The following BBS9 variants were observed in gnomAD, a reference collection of about 807,000 sequenced individuals.
BBS9 encodes the protein Bardet-Biedl syndrome 9, also known as protein PTHB1.
BBS9 carries 89 observed loss-of-function variants against 117.7 expected under a neutral mutation model. The ratio of observed to expected loss-of-function variants is 0.76; its 90% CI spans 0.64 to 0.90. BBS9 has a LOEUF of 0.90. Ranked by LOEUF, BBS9 falls within the 40% of genes least tolerant of loss-of-function variation. The pLI is 0.00. For synonymous variants in BBS9, 379 were observed against 370.9 expected, an observed-to-expected ratio of 1.02 and a Z score of -0.25; for missense variants, 982 against 1,042.2, an observed-to-expected ratio of 0.94 and a Z score of 0.80.
At chr7:33,334,481 G>A (rs956958035) in intron 9 of BBS9, among the ~76,000 whole-genome samples, 9 of 152,040 alleles carry the variant, frequency 5.9e-5, no homozygotes, top group Non-Finnish European at 8.8e-5. Flanking sequence ...GCTAGAATGC[G>A]GAACAGACTA....
intron 1 of BBS9, among the ~76,000 whole-genome samples, chr7:33,141,910 AG>A (rs2128082085): frequency 6.6e-6 from 1 of 151,958 alleles, no homozygotes; most frequent in East Asian, 1.9e-4. Flanking sequence ...AGTCTATCCA[AG>A]TTGCAAGTGT....
chr7:33,335,145 C>A (rs1186072186), intron 9 of BBS9, among the ~76,000 whole-genome samples: 3 of 152,194 alleles, frequency 2.0e-5, no homozygotes, highest in African/African-American at 7.2e-5. Flanking sequence ...TAGACTCTTA[C>A]ATGCCTTATC....
chr7:33,249,280 A>G (rs1795863616), intron 5 of BBS9, among the ~76,000 whole-genome samples: 1 of 151,888 alleles, frequency 6.6e-6, no homozygotes, highest in Non-Finnish European at 1.5e-5. Flanking sequence ...TCATGAATAG[A>G]TTGTAATTTT....
rs773708396 is a variant in BBS9 at position 33,527,747 on chromosome 7, T to C, written c.2299-6207T>C. 3.7e-4 allele frequency among the ~76,000 whole-genome samples: 57 copies of C among 152,334 alleles called. 1 individual carries two copies. The highest frequency in any genetic ancestry group is 2.1e-4 in the South Asian group (1 of 4,822). ...CTGGGAGCTGTAGACCGGAGCTGTT[T>C]CTATTTGGCCATCTTGGCTCCTCCT... is the stretch of plus-strand genomic sequence containing the variant. On this transcript the variant is annotated intron_variant, in intron 20 of 22. Coordinates refer to ENST00000242067, the MANE Select transcript of BBS9 (RefSeq NM_198428.3).
At chr7:33,411,359 A>C (rs1055677930) in intron 19 of BBS9, among the ~76,000 whole-genome samples, 13 of 152,116 alleles carry the variant, frequency 8.5e-5, no homozygotes, top group Admixed American at 8.5e-4. Context: ...ATTTCTTGAC[A>C]AGGTTTCAAC....
intron 19 of BBS9, among the ~76,000 whole-genome samples, chr7:33,460,438 GA>G (rs1839298286): frequency 6.6e-6 from 1 of 151,804 alleles, no homozygotes; most frequent in African/African-American, 2.4e-5. Flanking sequence ...AGGTACAAGG[GA>G]AAATAATTTT....
At chr7:33,188,130 A>AGGGGGGGGGGGGGGGGG (rs1783463063) in intron 5 of BBS9, among the ~76,000 whole-genome samples, 1 of 716 alleles carries the variant, frequency 1.4e-3, no homozygotes. Flanking sequence ...GGGGTGGGGT[A>AGGGGGGGGGGGGGGGGG]GGGTGGGGGG....
At chr7:33,212,238 G>C (rs1348611895) in intron 5 of BBS9, among the ~76,000 whole-genome samples, 2 of 152,048 alleles carry the variant, frequency 1.3e-5, no homozygotes, top group Non-Finnish European at 2.9e-5. Flanking sequence ...TTTAGATCTT[G>C]TAGACATGCT....
At chr7:33,208,618 T>C (rs1029210527) in intron 5 of BBS9, among the ~76,000 whole-genome samples, 4 of 152,222 alleles carry the variant, frequency 2.6e-5, no homozygotes, top group African/African-American at 7.2e-5. Flanking sequence ...GTAGTAGCAG[T>C]GGGCTGATGG....
chr7:33,365,509 G>A (rs539044921), intron 16 of BBS9, among the ~76,000 whole-genome samples: 34 of 152,318 alleles, frequency 2.2e-4, no homozygotes, highest in African/African-American at 7.0e-4. Flanking sequence ...GGGCTATTGG[G>A]ATCTTTAATG....
chr7:33,152,508 A>T (rs1793493404), intron 2 of BBS9, among the ~76,000 whole-genome samples, 193 bp from the exon 3 acceptor site: 1 of 152,224 alleles, frequency 6.6e-6, no homozygotes, highest in Non-Finnish European at 1.5e-5. Flanking sequence ...AAAGCTATTT[A>T]TGAAAGCTGT....
At chr7:33,438,828 C>T (rs1057211523) in intron 19 of BBS9, among the ~76,000 whole-genome samples, 1 of 152,186 alleles carries the variant, frequency 6.6e-6, no homozygotes, top group Admixed American at 6.5e-5. Context: ...ATTCATTTCA[C>T]AAAGCTGGCG....
intron 9 of BBS9, among the ~76,000 whole-genome samples, chr7:33,303,720 G>A (rs1807082331): frequency 6.6e-6 from 1 of 152,046 alleles, no homozygotes; most frequent in African/African-American, 2.4e-5. Context: ...TGTTGACCGG[G>A]CTGGTCTCCA....
At chr7:33,184,231 C>T (rs1328516856) in intron 5 of BBS9, among the ~76,000 whole-genome samples, 1 of 152,020 alleles carries the variant, frequency 6.6e-6, no homozygotes, top group Non-Finnish European at 1.5e-5. Flanking sequence ...TGACACTAAA[C>T]AAAGTTCAGG....
chr7:33,540,355 A>G (rs1488542525), intron 21 of BBS9, among the ~76,000 whole-genome samples: 1 of 152,250 alleles, frequency 6.6e-6, no homozygotes, highest in Admixed American at 6.5e-5. Flanking sequence ...ATACATTGAT[A>G]TGGAAGCAGG....
chr7:33,582,689 A>G (rs1165660348), intron 21 of BBS9, among the ~76,000 whole-genome samples: 3 of 152,088 alleles, frequency 2.0e-5, no homozygotes, highest in African/African-American at 7.2e-5. Context: ...TTTAGTTAGG[A>G]ACATCTTAAA....
At chr7:33,536,681 T>TCCCCCCCC (rs1563323298) in intron 21 of BBS9, among the ~76,000 whole-genome samples, 12 of 44,192 alleles carry the variant, frequency 2.7e-4, no homozygotes, top group African/African-American at 6.6e-4. Flanking sequence ...GATTCGGCCT[T>TCCCCCCCC]CCCCCCGCCC....
intron 9 of BBS9, among the ~76,000 whole-genome samples, chr7:33,316,046 C>T (rs955355984): frequency 2.0e-5 from 3 of 152,156 alleles, no homozygotes; most frequent in Admixed American, 6.5e-5. Context: ...CTCATCCACA[C>T]GTCTCTCAAG....
chr7:33,339,811 G>A (rs1369228482), intron 10 of BBS9, among the ~76,000 whole-genome samples: 1 of 151,932 alleles, frequency 6.6e-6, no homozygotes, highest in Non-Finnish European at 1.5e-5. Context: ...AACAACAAAT[G>A]GTCAGTGGAA....
Sources: allele counts gnomAD v4.1 joint callset (sites outside exome capture counted in the v4.1 genomes callset), GRCh38; gene constraint gnomAD v4.1.1; transcripts MANE v1.5; gene names NCBI Gene and HGNC (gene_info 2026-07-23, HGNC 2026-07-21).